The following RPS27 variants were observed in gnomAD, a reference collection of about 807,000 sequenced individuals.
The protein encoded by RPS27 is ribosomal protein S27, also known as small ribosomal subunit protein eS27.
In RPS27, 1 loss-of-function variant was observed where a neutral mutation model predicts 11.8. That is an observed-to-expected ratio of 0.08 (90% confidence interval 0.03 to 0.40). RPS27 has a LOEUF of 0.40. Among genes scored for constraint, RPS27 ranks in the 10% least tolerant of loss-of-function variants. The pLI is 0.98. For missense variants in RPS27, 44 were observed against 100.1 expected, an observed-to-expected ratio of 0.44 and a Z score of 2.39; for synonymous variants, 42 against 33.8, an observed-to-expected ratio of 1.24 and a Z score of -0.84.
intron 2 of RPS27, 58 bp downstream of exon 2, chr1:153,991,281 T>A (rs775616062): frequency 6.4e-7 from 1 of 1,560,866 alleles, no homozygotes; most frequent in African/African-American, 1.4e-5. Context: ...TTGGAAAATG[T>A]TGTAGTGTTA....
At position 153,991,408 on chromosome 1, in the gene RPS27, G is replaced by A. The variant is rs1402083076; in HGVS notation, c.116-158G>A. 2.8e-6 allele frequency: 4 copies of A among 1,447,046 alleles called. No individual in the cohort carries two copies. In the Middle Eastern group the frequency reaches 7.2e-4, roughly 262 times the overall value. 89.6% of individuals were successfully genotyped at this position (1,447,046 alleles called of 1,614,324 possible). A position where few individuals can be genotyped will look rare whatever the true frequency, so the allele number is the denominator to read the frequency against. On this transcript the variant is annotated intron_variant, in intron 2 of 3. Coordinates refer to ENST00000651669, the MANE Select transcript of RPS27 (RefSeq NM_001030.6). ...AGACTGGCAAAGTTTTGCATCTTAGGAGGAGTGATTCATTTCACCGTGATC... is the reference window on the plus strand; with the variant it reads ...AGACTGGCAAAGTTTTGCATCTTAGAAGGAGTGATTCATTTCACCGTGATC...
At position 153,991,483 on chromosome 1, in the gene RPS27, A is replaced by G. The variant is rs1231668360; in HGVS notation, c.116-83A>G. On this transcript the variant is annotated intron_variant, in intron 2 of 3. Transcript: ENST00000651669. The stretch of plus-strand genomic sequence containing the variant: ...CCTACGTTTTTTTGTGTTGGGAAAC[A>G]ATGTAATGGATGATGAGTTGGGCAT... The G allele has an allele frequency of 2.9e-6, 4 of 1,359,294 alleles. No homozygotes were observed. In the African/African-American group the frequency reaches 5.7e-5, roughly 20 times the overall value. 84.2% of individuals were successfully genotyped at this position (1,359,294 alleles called of 1,614,324 possible).
chr1:153,991,081 G>C, intron 1 of RPS27, 34 bp from the exon 2 acceptor site: 1 of 1,489,508 alleles, frequency 6.7e-7, no homozygotes, highest in Non-Finnish European at 9.1e-7. Flanking sequence ...TTTCGCTGTT[G>C]GTTTCTAAAT....
chr1:153,991,705 C>T (rs762264011), intron 3 of RPS27, 29 bp downstream of exon 3: 2 of 1,399,110 alleles, frequency 1.4e-6, no homozygotes, highest in African/African-American at 1.4e-5. Flanking sequence ...TGATTTGGGG[C>T]TTTGAGTTTG....
intron 3 of RPS27, 111 bp from the exon 4 acceptor site, chr1:153,991,954 G>GAAAA: frequency 1.9e-6 from 2 of 1,031,466 alleles, no homozygotes; most frequent in Non-Finnish European, 3.0e-6. Flanking sequence ...TAAGAGTTGA[G>GAAAA]AAAAAAGATG....
chr1:153,991,941 A>G, intron 3 of RPS27, 124 bp from the exon 4 acceptor site: 1 of 892,850 alleles, frequency 1.1e-6, no homozygotes, highest in South Asian at 1.4e-5. Flanking sequence ...ATGCGCAGGT[A>G]GCTAAGAGTT....
rs374209302 is a variant in RPS27, at chr1:153,990,793, G to A, written c.-4G>A. ...CGGCGGTGACGACCTACGCACACGA[G>A]AACATGCCTGTGAGTGCTTTGGTCC... is the stretch of plus-strand genomic sequence containing the variant. On this transcript the variant is annotated 5_prime_UTR_variant, in exon 1 of 4. Transcript: ENST00000651669. 7 of 1,614,094 alleles carry A rather than the reference G, an allele frequency of 4.3e-6. No individual in the cohort carries two copies. Among genetic ancestry groups the A allele is most frequent in the East Asian group, 4.5e-5 (2 of 44,888 alleles).
At position 153,990,791 on chromosome 1, in the gene RPS27, G is replaced by A. The variant is rs1013170057; in HGVS notation, c.-6G>A. 1.9e-6 allele frequency: 3 copies of A among 1,614,220 alleles called. No homozygotes were observed. The highest frequency in any genetic ancestry group is 1.6e-4 in the Middle Eastern group (1 of 6,062). ...TCCGGCGGTGACGACCTACGCACAC[G>A]AGAACATGCCTGTGAGTGCTTTGGT... On this transcript the variant is annotated 5_prime_UTR_variant, in exon 1 of 4. Transcript: ENST00000651669.
At chr1:153,991,922 G>A (rs1649432557) in intron 3 of RPS27, 143 bp from the exon 4 acceptor site, 2 of 731,202 alleles carry the variant, frequency 2.7e-6, no homozygotes, top group Non-Finnish European at 4.6e-6. Flanking sequence ...GAAGTAACCA[G>A]TGATACAAAT....
intron 2 of RPS27, 76 bp from the exon 3 acceptor site, chr1:153,991,490 T>C (rs1242871603): frequency 3.1e-5 from 42 of 1,361,822 alleles, no homozygotes; most frequent in Non-Finnish European, 4.0e-5. Flanking sequence ...AACAATGTAA[T>C]GGATGATGAG....
At chr1:153,991,094 C>A in intron 1 of RPS27, 21 bp from the exon 2 acceptor site, 1 of 1,533,834 alleles carries the variant, frequency 6.5e-7, no homozygotes, top group East Asian at 2.3e-5. Flanking sequence ...TTCTAAATCT[C>A]TGCATTTCTG....
chr1:153,990,914 G>A (rs1649359834), intron 1 of RPS27, 112 bp downstream of exon 1: 2 of 1,476,942 alleles, frequency 1.4e-6, no homozygotes, highest in Non-Finnish European at 1.9e-6. Context: ...CACTTCTTAG[G>A]ACATTAACTC....
intron 1 of RPS27, 102 bp downstream of exon 1, chr1:153,990,904 C>G: frequency 6.6e-7 from 1 of 1,511,336 alleles, no homozygotes; most frequent in Non-Finnish European, 9.2e-7. Context: ...TTACCCTCTG[C>G]ACTTCTTAGG....
intron 1 of RPS27, 95 bp downstream of exon 1, chr1:153,990,897 C>T (rs1291036214): frequency 3.9e-6 from 6 of 1,529,368 alleles, no homozygotes; most frequent in African/African-American, 1.4e-5. Flanking sequence ...TCCTCATTTA[C>T]CCTCTGCACT....
At chr1:153,990,901 C>T in intron 1 of RPS27, 99 bp downstream of exon 1, 7 of 1,524,400 alleles carry the variant, frequency 4.6e-6, no homozygotes, top group South Asian at 2.2e-5. Flanking sequence ...CATTTACCCT[C>T]TGCACTTCTT....
chr1:153,991,378 G>A (rs1649393247), intron 2 of RPS27, 155 bp downstream of exon 2: 1 of 1,507,440 alleles, frequency 6.6e-7, no homozygotes, highest in Non-Finnish European at 8.9e-7. Context: ...AAATTTGAAT[G>A]TATGAGACTG....
rs374953527 is a variant in RPS27, at chr1:153,990,792, A to G, written c.-5A>G. 4.3e-6 allele frequency: 7 copies of G among 1,614,248 alleles called. No individual in the cohort carries two copies. Among genetic ancestry groups the G allele is most frequent in the Admixed American group, 3.3e-5 (2 of 60,030 alleles). On this transcript the variant is annotated 5_prime_UTR_variant, in exon 1 of 4. Transcript: ENST00000651669. ...CCGGCGGTGACGACCTACGCACACG[A>G]GAACATGCCTGTGAGTGCTTTGGTC...
At chr1:153,991,935 G>T (rs1273873579) in intron 3 of RPS27, 130 bp from the exon 4 acceptor site, 4 of 856,932 alleles carry the variant, frequency 4.7e-6, no homozygotes, top group Non-Finnish European at 5.9e-6. Flanking sequence ...ATACAAATGC[G>T]CAGGTAGCTA....
chr1:153,991,567 A>T lies in RPS27; in HGVS notation c.117A>T (p.Gly39=). 6.2e-7 allele frequency: 1 copy of T among 1,609,914 alleles called. No homozygotes were observed. Among genetic ancestry groups the T allele is most frequent in the South Asian group, 1.1e-5 (1 of 90,924 alleles). ...NSYFMDVKCP[G]CYKITTVFSH... ...AAATGTTATCTGCTTTTCTTTCAGG[A>T]TGCTATAAAATCACCACGGTCTTTA... The change falls in exon 3 of 4, where the codon GGA becomes GGT. Residue 39 remains glycine (G), a splice_region_variant and synonymous_variant. Transcript: ENST00000651669.
Sources: allele counts gnomAD v4.1 joint callset, GRCh38; gene constraint gnomAD v4.1.1; transcripts MANE v1.5; gene names NCBI Gene and HGNC (gene_info 2026-07-23, HGNC 2026-07-21).